ITGA4: variants seen among roughly 807,000 people sequenced by gnomAD.
The protein encoded by ITGA4 is integrin alpha-4.
Under a neutral mutation model 133.6 loss-of-function variants are expected in ITGA4, and 63 were observed. That is an observed-to-expected ratio of 0.47 (90% confidence interval 0.38 to 0.58). The LOEUF (loss-of-function observed/expected upper bound fraction) is 0.58. ITGA4 is among the 20% of genes least tolerant of loss of function. ITGA4 has a pLI of 0.00. For missense variants in ITGA4, 1,076 were observed against 1,252.7 expected, an observed-to-expected ratio of 0.86 and a Z score of 2.13; for synonymous variants, 483 against 438.0, an observed-to-expected ratio of 1.10 and a Z score of -1.28.
chr2:181,503,561 TTG>T (rs1686328677), intron 15 of ITGA4, among the ~76,000 whole-genome samples: 2 of 67,224 alleles, frequency 3.0e-5, no homozygotes, highest in South Asian at 1.6e-3. Context: ...AAGGAAGAAA[TTG>T]TCTTTTTTTT....
At chr2:181,475,868 T>G in intron 4 of ITGA4, 1 of 1,600,074 alleles carries the variant, frequency 6.2e-7, no homozygotes, top group Non-Finnish European at 8.5e-7. Flanking sequence ...TGAGCAGAAT[T>G]GGGGTGAATG....
intron 2 of ITGA4, among the ~76,000 whole-genome samples, chr2:181,463,787 T>C (rs1398051255): frequency 6.6e-6 from 1 of 151,856 alleles, no homozygotes; most frequent in Non-Finnish European, 1.5e-5. Context: ...AAATCAGAGG[T>C]GAGTAATTGA....
chr2:181,479,103 T>C (rs557839712), intron 5 of ITGA4: 4 of 233,796 alleles, frequency 1.7e-5, no homozygotes, highest in East Asian at 1.6e-4. Context: ...AAAGTAGCTA[T>C]GGTTAATTGT....
intron 15 of ITGA4, among the ~76,000 whole-genome samples, chr2:181,507,257 C>T (rs1190461874): frequency 6.6e-6 from 1 of 152,116 alleles, no homozygotes; most frequent in Non-Finnish European, 1.5e-5. Context: ...GAACTGCTCT[C>T]TCATATCCTG....
Position 181,523,285 on chromosome 2 carries a change from CTATT to C in ITGA4, c.2074-148_2074-145del, listed in dbSNP as rs1462268650. 7.3e-5 allele frequency: 41 copies of C among 558,580 alleles called. No individual in the cohort carries two copies. Among genetic ancestry groups the C allele is most frequent in the African/African-American group, 4.2e-4 (22 of 52,848 alleles). The allele number at this position is 558,580 out of a possible 1,614,324, so 34.6% of individuals were successfully genotyped here. ...ATGCACACATATTTATATCATATGT[CTATT>C]TATCTCAAACATATAAATAGAAAAT... On this transcript the variant is annotated intron_variant, in intron 18 of 27. Transcript: ENST00000397033. This position sits in a 1 kb window ranked among gnomAD's most constrained non-coding sequence, Gnocchi z 4.2.
Position 181,536,757 on chromosome 2 carries a change from T to TA in ITGA4, c.*1230_*1231insA. 4.1e-6 allele frequency: 1 copy of TA among 246,700 alleles called. No homozygotes were observed. The highest frequency in any genetic ancestry group is 8.2e-6 in the Non-Finnish European group (1 of 122,430). The allele number at this position is 246,700 out of a possible 1,614,324, so 15.3% of individuals were successfully genotyped here. A position where few individuals can be genotyped will look rare whatever the true frequency, so the allele number is the denominator to read the frequency against. On this transcript the variant is annotated 3_prime_UTR_variant, in exon 28 of 28. Coordinates refer to ENST00000397033, the MANE Select transcript of ITGA4 (RefSeq NM_000885.6). ...ATGACTTTCTGGATTTTAAAAAATT[T>TA]CTTTAAATACAATCATTTTTGTAAT...
intron 15 of ITGA4, 187 bp downstream of exon 15, chr2:181,498,964 T>C (rs1686214279): frequency 1.3e-6 from 1 of 765,652 alleles, no homozygotes; most frequent in Non-Finnish European, 1.6e-6. Context: ...AGTCCTCTTA[T>C]TGTATCATCC....
chr2:181,506,711 G>A (rs1686402711), intron 15 of ITGA4, among the ~76,000 whole-genome samples: 1 of 152,064 alleles, frequency 6.6e-6, no homozygotes, highest in African/African-American at 2.4e-5. Flanking sequence ...TAGCAACACA[G>A]CAATAATATG....
At chr2:181,474,843 C>G (rs938335629) in intron 2 of ITGA4, 117 bp from the exon 3 acceptor site, 3 of 681,644 alleles carry the variant, frequency 4.4e-6, no homozygotes, top group Non-Finnish European at 7.6e-6. Context: ...ACATTGTGCA[C>G]TGAATATAAG....
Position 181,462,765 on chromosome 2 carries a change from A to G in ITGA4, c.319+4448A>G, listed in dbSNP as rs117621842. Among the ~76,000 whole-genome samples the G allele has an allele frequency of 4.2e-3, 639 of 152,266 alleles. 8 individuals carry two copies. Among genetic ancestry groups the G allele is most frequent in the East Asian group, 0.028 (147 of 5,172 alleles). On this transcript the variant is annotated intron_variant, in intron 2 of 27. Coordinates refer to ENST00000397033, the MANE Select transcript of ITGA4 (RefSeq NM_000885.6). ...CTAATTTGAGAGATGAGGCTTTCTA[A>G]ATGCACTTTAGTTTTTGCCTTAAGT...
chr2:181,534,788 T>C (rs760558006), intron 26 of ITGA4, 28 bp from the exon 27 acceptor site: 46 of 1,541,634 alleles, frequency 3.0e-5, no homozygotes, highest in Non-Finnish European at 3.9e-5. Flanking sequence ...TTTTGGTTTT[T>C]GAGTTTTATT....
intron 15 of ITGA4, among the ~76,000 whole-genome samples, chr2:181,499,234 C>T (rs192026428): frequency 6.6e-6 from 1 of 152,198 alleles, no homozygotes; most frequent in Non-Finnish European, 1.5e-5. Flanking sequence ...TGTTTCCGTG[C>T]CAGCTTTGCC....
chr2:181,495,868 T>G lies in ITGA4; in HGVS notation c.1471T>G (p.Trp491Gly), dbSNP rs1184462479. Reference protein sequence around the residue: ...RTKFDCVENGWPSVCIDLTLC... With the variant: ...RTKFDCVENGGPSVCIDLTLC... The stretch of plus-strand genomic sequence containing the variant: ...GAAATTTGACTGTGTTGAAAATGGA[T>G]GGCCTTCTGTGTGCATAGATCTAAC... The change falls in exon 14 of 28, where the codon TGG (tryptophan) becomes GGG (glycine). Residue 491 changes from tryptophan to glycine, a missense_variant. Coordinates refer to ENST00000397033, the MANE Select transcript of ITGA4 (RefSeq NM_000885.6). The surrounding 1 kb of genome is among the most constrained non-coding windows in gnomAD (Gnocchi z 4.3). 6.2e-7 allele frequency: 1 copy of G among 1,614,042 alleles called. No homozygotes were observed.
At chr2:181,518,565 CT>C (rs571546582) in intron 17 of ITGA4, among the ~76,000 whole-genome samples, 1 of 152,118 alleles carries the variant, frequency 6.6e-6, no homozygotes, top group South Asian at 2.1e-4. Flanking sequence ...AATTGGATTG[CT>C]CTGTAGCAAG....
At chr2:181,521,365 T>G (rs1167805900) in intron 17 of ITGA4, among the ~76,000 whole-genome samples, 1 of 152,196 alleles carries the variant, frequency 6.6e-6, no homozygotes, top group Middle Eastern at 3.2e-3. Context: ...AATAAGTTCC[T>G]TATGTCTCAA....
At chr2:181,465,413 C>G (rs1685387445) in intron 2 of ITGA4, among the ~76,000 whole-genome samples, 1 of 152,006 alleles carries the variant, frequency 6.6e-6, no homozygotes, top group African/African-American at 2.4e-5. Flanking sequence ...TCATTGCTGT[C>G]TTTTTTTCTT....
In ITGA4 at chr2:181,481,621, T is replaced by A; in HGVS notation, c.778T>A (p.Phe260Ile). 1 of 1,599,350 alleles carries A rather than the reference T, an allele frequency of 6.3e-7. No homozygotes were observed. The highest frequency in any genetic ancestry group is 8.6e-7 in the Non-Finnish European group (1 of 1,168,924). ...YLGYSVGAGHFRSQHTTEVVG... is the reference protein window; with the variant it reads ...YLGYSVGAGHIRSQHTTEVVG... ...AGGATATTCAGTCGGAGCTGGTCATTTTCGGAGCCAGCATACTACCGAAGT... is the reference window on the plus strand; with the variant it reads ...AGGATATTCAGTCGGAGCTGGTCATATTCGGAGCCAGCATACTACCGAAGT... Residue 260 changes from phenylalanine to isoleucine, a missense_variant, in exon 7 of 28, where the codon TTT (phenylalanine) becomes ATT (isoleucine). This residue lies in a region of ITGA4 where 436 missense variants were observed against 590.7 expected (regional missense o/e 0.74). Transcript: ENST00000397033.
chr2:181,513,911 A>G (rs1026401), intron 17 of ITGA4, among the ~76,000 whole-genome samples: 151,190 of 152,226 alleles, frequency 0.99, 75,096 homozygotes, highest in Middle Eastern at 1. Context: ...CGATTATTGA[A>G]AGTCTGTCTC....
At chr2:181,500,556 C>T (rs998291581) in intron 15 of ITGA4, among the ~76,000 whole-genome samples, 17 of 152,130 alleles carry the variant, frequency 1.1e-4, no homozygotes, top group Non-Finnish European at 1.9e-4. Flanking sequence ...CCATAAAACG[C>T]ATCTGGTACC....
Sources: gnomAD v4.1 joint callset for allele counts (sites outside exome capture counted in the v4.1 genomes callset) on GRCh38, gnomAD v4.1.1 for gene constraint, gnomAD v4.1.1 regional missense constraint, Gnocchi (gnomAD v3.1) non-coding constraint, MANE v1.5 for transcripts, NCBI Gene and HGNC (gene_info 2026-07-23, HGNC 2026-07-21) for gene names.